The following ZNF407 variants were observed in gnomAD, a reference collection of about 807,000 sequenced individuals.
The protein encoded by ZNF407 is zinc finger protein 407.
A neutral mutation model predicts 131.2 loss-of-function variants in ZNF407; 17 were observed. That is an observed-to-expected ratio of 0.13 (90% confidence interval 0.09 to 0.19). The LOEUF (loss-of-function observed/expected upper bound fraction) is 0.19. Among genes scored for constraint, ZNF407 ranks in the 10% least tolerant of loss-of-function variants. The pLI is 1.00. For missense variants in ZNF407, 2,681 were observed against 2,830.6 expected (o/e 0.95, Z 1.20); for synonymous variants, 1,156 against 1,062.0 (o/e 1.09, Z -1.72).
At chr18:74,881,509 G>A (rs1971237957) in intron 6 of ZNF407, among the ~76,000 whole-genome samples, 2 of 151,926 alleles carry the variant, frequency 1.3e-5, no homozygotes, top group African/African-American at 4.8e-5. Context: ...TACCCACCTC[G>A]TAGCTAATCA....
intron 3 of ZNF407, among the ~76,000 whole-genome samples, chr18:74,656,214 G>C (rs754054741): frequency 5.3e-5 from 8 of 152,048 alleles, no homozygotes; most frequent in South Asian, 2.1e-4. Flanking sequence ...TGAATCAAAG[G>C]ACTTACAATT....
chr18:74,970,239 A>G (rs1482544143), intron 8 of ZNF407, among the ~76,000 whole-genome samples: 1 of 151,630 alleles, frequency 6.6e-6, no homozygotes, highest in Non-Finnish European at 1.5e-5. Context: ...TTGGATGGGG[A>G]CACAGCCAAA....
At chr18:74,877,161 G>T (rs781568289) in intron 4 of ZNF407, 36 bp from the exon 5 acceptor site, 1 of 1,601,304 alleles carries the variant, frequency 6.2e-7, no homozygotes, top group Non-Finnish European at 8.6e-7. Context: ...TGGTGTGCGG[G>T]CCATATTTAT....
At chr18:74,691,667 C>A (rs888421455) in intron 3 of ZNF407, among the ~76,000 whole-genome samples, 1 of 151,520 alleles carries the variant, frequency 6.6e-6, no homozygotes, top group African/African-American at 2.4e-5. Context: ...TTTTCTTTTT[C>A]TAATTTAAGC....
intron 8 of ZNF407, among the ~76,000 whole-genome samples, chr18:74,934,259 A>G (rs947407067): frequency 6.6e-6 from 1 of 152,238 alleles, no homozygotes; most frequent in Admixed American, 6.5e-5. Flanking sequence ...CAAGGGTAGT[A>G]TAGATGAATT....
At chr18:74,761,355 C>G (rs535030612) in intron 3 of ZNF407, among the ~76,000 whole-genome samples, 2 of 151,894 alleles carry the variant, frequency 1.3e-5, no homozygotes, top group Non-Finnish European at 2.9e-5. Context: ...GTGCATATTT[C>G]TATGCATTTT....
chr18:74,976,764 T>C lies in ZNF407; in HGVS notation c.5428+56072T>C, dbSNP rs554544424. 5.3e-5 allele frequency among the ~76,000 whole-genome samples: 8 copies of C among 152,204 alleles called. 1 individual carries two copies. The South Asian group carries it at 1.7e-3, about 32-fold the overall frequency. On this transcript the variant is annotated intron_variant, in intron 8 of 8. Transcript: ENST00000299687. ...GAGCACTGTGCTTTCACGTGGAGCC[T>C]AAGTGGTCCTGTTAAGACAGACATC...
chr18:74,785,240 C>G (rs1568214617), intron 4 of ZNF407, among the ~76,000 whole-genome samples: 1 of 152,156 alleles, frequency 6.6e-6, no homozygotes, highest in Admixed American at 6.5e-5. Flanking sequence ...GTTTCTTACC[C>G]TCAGTGCATT....
chr18:74,968,506 T>G (rs1452694327), intron 8 of ZNF407, among the ~76,000 whole-genome samples: 1 of 152,204 alleles, frequency 6.6e-6, no homozygotes, highest in African/African-American at 2.4e-5. Context: ...CTTTTCTGGT[T>G]TTCCTTTATG....
intron 8 of ZNF407, among the ~76,000 whole-genome samples, chr18:74,934,512 CAATT>C (rs1193159336): frequency 1.3e-4 from 20 of 152,212 alleles, no homozygotes; most frequent in Admixed American, 3.3e-4. Context: ...AGGTTTTTGT[CAATT>C]AATCACTTTT....
intron 1 of ZNF407, among the ~76,000 whole-genome samples, chr18:74,608,746 C>T (rs982450451): frequency 3.9e-5 from 6 of 152,124 alleles, no homozygotes; most frequent in African/African-American, 1.4e-4. Flanking sequence ...TTGTCTGATG[C>T]TCTTTCTTGT....
intron 4 of ZNF407, among the ~76,000 whole-genome samples, chr18:74,841,333 G>C (rs1481723435): frequency 1.3e-5 from 2 of 152,074 alleles, no homozygotes; most frequent in African/African-American, 2.4e-5. Flanking sequence ...AGCCTCAGGG[G>C]GGCTGCTAAC....
chr18:74,988,777 C>G (rs11873408), intron 8 of ZNF407, among the ~76,000 whole-genome samples: 5,521 of 152,192 alleles, frequency 0.036, 184 homozygotes, highest in African/African-American at 0.085. Context: ...GGAGATGCCA[C>G]TACATACCCA....
intron 8 of ZNF407, among the ~76,000 whole-genome samples, chr18:75,059,728 T>G (rs1973602364): frequency 6.6e-6 from 1 of 152,158 alleles, no homozygotes; most frequent in Non-Finnish European, 1.5e-5. Flanking sequence ...GAAGCATGAA[T>G]ACAGGAGCTG....
chr18:74,634,035 T>G lies in ZNF407; in HGVS notation c.3016T>G (p.Tyr1006Asp), dbSNP rs942434019. ...GGACTTCGCCCAGCCGGGGGATGTG[T>G]ACTCCCAGAGAGATGTTACAGGCAC... ...PEDFAQPGDV[Y>D]SQRDVTGTGE... The change falls in exon 2 of 9, where the codon TAC (tyrosine) becomes GAC (aspartate). Residue 1006 changes from tyrosine (Y) to aspartate (D), a missense_variant. By Grantham distance (160) the Tyr-to-Asp change is radical (BLOSUM62 -3). Around this residue, in one of 6 missense-constraint regions of ZNF407, gnomAD observed 1,789 missense variants for 1,748.7 expected, o/e 1.02. Coordinates refer to ENST00000299687, the MANE Select transcript of ZNF407 (RefSeq NM_017757.3). 6.2e-7 allele frequency: 1 copy of G among 1,614,048 alleles called. No homozygotes were observed. The highest frequency in any genetic ancestry group is 1.7e-5 in the Admixed American group (1 of 60,026).
chr18:74,650,306 C>T (rs1490869433), intron 3 of ZNF407, among the ~76,000 whole-genome samples: 2 of 152,148 alleles, frequency 1.3e-5, no homozygotes, highest in Admixed American at 6.5e-5. Flanking sequence ...TGCATGGTAT[C>T]GTTTACAATT....
At chr18:75,039,544 A>G (rs955341466) in intron 8 of ZNF407, among the ~76,000 whole-genome samples, 7 of 152,186 alleles carry the variant, frequency 4.6e-5, no homozygotes, top group South Asian at 2.1e-4. Context: ...CAGAGCCCCA[A>G]CGTTTGAAAA....
chr18:74,610,864 C>A (rs1384557357), intron 1 of ZNF407, among the ~76,000 whole-genome samples: 3 of 152,146 alleles, frequency 2.0e-5, no homozygotes, highest in African/African-American at 7.2e-5. Flanking sequence ...TATTTTGGGA[C>A]ATTTTTAAGG....
chr18:74,949,697 G>T (rs1972191910), intron 8 of ZNF407, among the ~76,000 whole-genome samples: 1 of 151,910 alleles, frequency 6.6e-6, no homozygotes, highest in Admixed American at 6.5e-5. Context: ...AATCCTTAAA[G>T]GTTATTTTTT....
Sources: gnomAD v4.1 joint callset for allele counts (sites outside exome capture counted in the v4.1 genomes callset) on GRCh38, gnomAD v4.1.1 for gene constraint, gnomAD v4.1.1 regional missense constraint, MANE v1.5 for transcripts, NCBI Gene and HGNC (gene_info 2026-07-23, HGNC 2026-07-21) for gene names.